The following PCDH9 variants were observed in gnomAD, a reference collection of about 807,000 sequenced individuals.
The protein encoded by PCDH9 is protocadherin-9.
Under a neutral mutation model 70.6 loss-of-function variants are expected in PCDH9, and 24 were observed. The ratio of observed to expected loss-of-function variants is 0.34; its 90% CI spans 0.25 to 0.48. PCDH9 has a LOEUF of 0.48. Among genes scored for constraint, PCDH9 ranks in the 20% least tolerant of loss-of-function variants. The probability of loss-of-function intolerance (pLI) is 0.99; values close to 1 mark genes in which losing one functional copy is unlikely to be tolerated. For synonymous variants in PCDH9, 562 were observed against 558.5 expected, an observed-to-expected ratio of 1.01 and a Z score of -0.09; for missense variants, 1,281 against 1,503.6, an observed-to-expected ratio of 0.85 and a Z score of 2.45.
intron 3 of PCDH9, among the ~76,000 whole-genome samples, chr13:66,696,783 C>CTTTTTTTTTTTTTTTTTTTTT (rs34598874): frequency 7.9e-6 from 1 of 126,124 alleles, no homozygotes; most frequent in Non-Finnish European, 1.6e-5. Context: ...TTCAGGCAAA[C>CTTTTTTTTTTTTTTTTTTTTT]TTTTTTTTTT....
At chr13:66,424,708 A>G (rs749230383) in intron 4 of PCDH9, among the ~76,000 whole-genome samples, 1 of 151,978 alleles carries the variant, frequency 6.6e-6, no homozygotes, top group Non-Finnish European at 1.5e-5. Flanking sequence ...AAATCAAACA[A>G]CAACAGAAGA....
chr13:66,815,369 T>C (rs1406010781), intron 3 of PCDH9, among the ~76,000 whole-genome samples: 1 of 152,096 alleles, frequency 6.6e-6, no homozygotes, highest in Admixed American at 6.6e-5. Context: ...TTCAGCAATT[T>C]CTCAAAGAAT....
rs144343725 is a variant in PCDH9, at chr13:67,060,336, G to A, written c.3037-156731C>T. ...GGAAATGGAAGTTCTGAAAAGTGAG[G>A]TAATTTTCCCCACACGCTCACATCT... On this transcript the variant is annotated intron_variant, in intron 2 of 4. Coordinates refer to ENST00000377865, the MANE Select transcript of PCDH9 (RefSeq NM_203487.3). 9.3e-3 allele frequency among the ~76,000 whole-genome samples: 1,413 copies of A among 152,068 alleles called. 21 individuals are homozygous for A. Among genetic ancestry groups the A allele is most frequent in the Middle Eastern group, 0.034 (10 of 292 alleles).
intron 4 of PCDH9, among the ~76,000 whole-genome samples, chr13:66,480,381 T>C (rs1482638045): frequency 6.6e-6 from 1 of 152,208 alleles, no homozygotes; most frequent in African/African-American, 2.4e-5. Flanking sequence ...GAGAACATTG[T>C]TGAAATAACA....
At chr13:66,847,444 A>G (rs940065153) in intron 3 of PCDH9, among the ~76,000 whole-genome samples, 2 of 152,200 alleles carry the variant, frequency 1.3e-5, no homozygotes, top group Admixed American at 1.3e-4. Flanking sequence ...ATACATAATA[A>G]AGTTTATAAG....
At chr13:66,936,771 A>G (rs2082922334) in intron 2 of PCDH9, among the ~76,000 whole-genome samples, 1 of 152,226 alleles carries the variant, frequency 6.6e-6, no homozygotes, top group South Asian at 2.1e-4. Context: ...GATTAATAAT[A>G]GTGAGCTATC....
rs2089919993 is a variant in PCDH9, at chr13:67,227,919, A to T, written c.522T>A (p.Asn174Lys). 1 of 1,614,054 alleles carries T rather than the reference A, an allele frequency of 6.2e-7. No individual in the cohort carries two copies. Among genetic ancestry groups the T allele is most frequent in the South Asian group, 1.1e-5 (1 of 91,092 alleles). ...TTAACAATTCATAATGCTGTACACC[A>T]TTGAAGCCTGTGTCAGGATCTGTTG... The part of the protein sequence containing the change: ...PSATDPDTGF[N>K]GVQHYELLNG... The change falls in exon 2 of 5, where the codon AAT becomes AAA. Residue 174 changes from asparagine to lysine, a missense_variant. Transcript: ENST00000377865. This position sits in a 1 kb window ranked among gnomAD's most constrained non-coding sequence, Gnocchi z 4.6.
At position 66,760,581 on chromosome 13, in the gene PCDH9, AAATT is replaced by A. The variant is rs1314668352; in HGVS notation, c.3139-129174_3139-129171del. Among the ~76,000 whole-genome samples, 5 of 152,322 alleles carry A rather than the reference AAATT, an allele frequency of 3.3e-5. No homozygotes were observed. In the East Asian group the frequency reaches 9.6e-4, roughly 29 times the overall value. On this transcript the variant is annotated intron_variant, in intron 3 of 4. Transcript: ENST00000377865. Reference sequence around the variant, plus strand: ...ACCCTGTGATGATTGTTATCTGTACAAATTGTTTGTAAAACATGTGTGTTTGAAC... The same window carrying A: ...ACCCTGTGATGATTGTTATCTGTACAGTTTGTAAAACATGTGTGTTTGAAC...
intron 4 of PCDH9, among the ~76,000 whole-genome samples, chr13:66,562,851 A>G (rs986921336): frequency 3.3e-5 from 5 of 152,176 alleles, no homozygotes; most frequent in Admixed American, 6.5e-5. Flanking sequence ...GGATAAAACG[A>G]AACTAGCAGT....
At chr13:67,057,221 G>A (rs568285381) in intron 2 of PCDH9, among the ~76,000 whole-genome samples, 3 of 152,216 alleles carry the variant, frequency 2.0e-5, no homozygotes, top group Admixed American at 6.5e-5. Context: ...TCAATCTCCA[G>A]ATTGAAATGC....
chr13:66,773,568 T>G lies in PCDH9; in HGVS notation c.3138+129936A>C, dbSNP rs1016321823. Reference sequence around the variant, plus strand: ...TGGCGTGAACCCGGGAGGCGGAGCTTGCAGTGAGCCGAGATTGCGCTACTG... The same window carrying G: ...TGGCGTGAACCCGGGAGGCGGAGCTGGCAGTGAGCCGAGATTGCGCTACTG... On this transcript the variant is annotated intron_variant, in intron 3 of 4. Coordinates refer to ENST00000377865, the MANE Select transcript of PCDH9 (RefSeq NM_203487.3). Among the ~76,000 whole-genome samples, 4 of 150,750 alleles carry G rather than the reference T, an allele frequency of 2.7e-5. 1 individual carries two copies. Among genetic ancestry groups the G allele is most frequent in the African/African-American group, 9.8e-5 (4 of 41,022 alleles).
chr13:66,462,535 T>C (rs1958444390), intron 4 of PCDH9, among the ~76,000 whole-genome samples: 1 of 151,758 alleles, frequency 6.6e-6, no homozygotes, highest in Non-Finnish European at 1.5e-5. Context: ...TATCTGCCCG[T>C]TAGAATCAGC....
intron 4 of PCDH9, among the ~76,000 whole-genome samples, chr13:66,442,969 C>T (rs1958003851): frequency 6.6e-6 from 1 of 152,132 alleles, no homozygotes; most frequent in African/African-American, 2.4e-5. Context: ...TTTTGGTTTA[C>T]ACAGCTGCAG....
intron 4 of PCDH9, among the ~76,000 whole-genome samples, chr13:66,464,996 T>C (rs1375941529): frequency 1.3e-5 from 2 of 151,960 alleles, no homozygotes; most frequent in Non-Finnish European, 2.9e-5. Context: ...ATATTTTCTA[T>C]AGAAAGGGAA....
intron 3 of PCDH9, among the ~76,000 whole-genome samples, chr13:66,732,457 C>T (rs1038009103): frequency 1.8e-4 from 28 of 151,918 alleles, no homozygotes; most frequent in African/African-American, 6.8e-4. Context: ...AGGGCCTTGC[C>T]AAGCTTGGAA....
rs1462137910 is a variant in PCDH9, at chr13:67,227,916, A to G, written c.525T>C (p.Gly175=). 1.2e-6 allele frequency: 2 copies of G among 1,614,036 alleles called. No homozygotes were observed. Among genetic ancestry groups the G allele is most frequent in the Non-Finnish European group, 1.7e-6 (2 of 1,180,030 alleles). ...CATTTAACAATTCATAATGCTGTAC[A>G]CCATTGAAGCCTGTGTCAGGATCTG... The part of the protein sequence containing the change: ...SATDPDTGFN[G]VQHYELLNGQ... The change falls in exon 2 of 5, where the codon GGT becomes GGC. Residue 175 remains glycine (G), a synonymous_variant. Coordinates refer to ENST00000377865, the MANE Select transcript of PCDH9 (RefSeq NM_203487.3). This position sits in a 1 kb window ranked among gnomAD's most constrained non-coding sequence, Gnocchi z 4.6.
intron 3 of PCDH9, among the ~76,000 whole-genome samples, chr13:66,761,397 G>A (rs2079625222): frequency 1.3e-5 from 2 of 152,030 alleles, no homozygotes; most frequent in Admixed American, 6.6e-5. Context: ...ATTTCTCTGG[G>A]TTTGGATACA....
chr13:67,132,110 T>C (rs190191396), intron 2 of PCDH9, among the ~76,000 whole-genome samples: 1 of 152,278 alleles, frequency 6.6e-6, no homozygotes, highest in Admixed American at 6.6e-5. Flanking sequence ...CAAGTTGACT[T>C]TGATATGACT....
chr13:66,956,968 G>A, intron 2 of PCDH9, among the ~76,000 whole-genome samples: 1 of 152,074 alleles, frequency 6.6e-6, no homozygotes. Context: ...TCTCCAGACT[G>A]AATTTTCTAT....
Sources: gnomAD v4.1 joint callset for allele counts (sites outside exome capture counted in the v4.1 genomes callset) on GRCh38, gnomAD v4.1.1 for gene constraint, Gnocchi (gnomAD v3.1) non-coding constraint, MANE v1.5 for transcripts, NCBI Gene and HGNC (gene_info 2026-07-23, HGNC 2026-07-21) for gene names.